The following EXOC3 variants were observed in gnomAD, a reference collection of about 807,000 sequenced individuals.
EXOC3 encodes exocyst complex component 3, also known as SEC6-like 1.
A neutral mutation model predicts 73.7 loss-of-function variants in EXOC3; 21 were observed. The observed-to-expected ratio is 0.29, with a 90% CI of 0.20 to 0.41. EXOC3 has a LOEUF of 0.41. Ranked by LOEUF, EXOC3 falls within the 10% of genes least tolerant of loss-of-function variation. EXOC3 has a pLI of 1.00. For synonymous variants in EXOC3, 410 were observed against 389.1 expected, an observed-to-expected ratio of 1.05 and a Z score of -0.63; for missense variants, 842 against 985.1, an observed-to-expected ratio of 0.85 and a Z score of 1.95.
chr5:445,593 A>T (rs1053430041), intron 1 of EXOC3, among the ~76,000 whole-genome samples: 1 of 152,110 alleles, frequency 6.6e-6, no homozygotes, highest in Non-Finnish European at 1.5e-5. Flanking sequence ...TGACCTCGTG[A>T]TCCACCCGCC....
rs770586478 is a variant in EXOC3, at chr5:462,070, A to G, written c.1502A>G (p.Lys501Arg). 7.4e-6 allele frequency: 12 copies of G among 1,610,836 alleles called. No individual in the cohort carries two copies. Among genetic ancestry groups the G allele is most frequent in the Admixed American group, 6.7e-5 (4 of 59,424 alleles). ...ATCATCAACAACTGCCAGACCTTCA[A>G]GTGAGTGTGGCCGGGCGCTGTGGCG... ...IAIINNCQTF[K>R]ESIVSLKRKY... Residue 501 changes from lysine (K) to arginine (R), a missense_variant and splice_region_variant, in exon 8 of 13, where the codon AAG (lysine) becomes AGG (arginine). Coordinates refer to ENST00000512944, the MANE Select transcript of EXOC3 (RefSeq NM_007277.5).
At chr5:461,612 CAA>C (rs34450970) in intron 7 of EXOC3, 6,702 of 194,248 alleles carry the variant, frequency 0.035, no homozygotes, top group South Asian at 0.081. Context: ...GACTCTATCT[CAA>C]AAAAAAAAAA....
chr5:465,314 C>T, intron 11 of EXOC3, 42 bp downstream of exon 11: 2 of 1,550,016 alleles, frequency 1.3e-6, no homozygotes, highest in Non-Finnish European at 1.7e-6. Context: ...GCCTGTCGCT[C>T]CGCGGCCCTG....
chr5:448,023 A>G lies in EXOC3; in HGVS notation c.364+271A>G, dbSNP rs1200824742. Among the ~76,000 whole-genome samples the G allele has an allele frequency of 3.9e-5, 6 of 152,274 alleles. No individual in the cohort carries two copies. In the East Asian group the frequency reaches 1.2e-3, roughly 29 times the overall value. ...GCAGTGTGGAGGGATTCCCTGGCTG[A>G]GTGTCGTTCCCTTGCTTGCGATGTG... On this transcript the variant is annotated intron_variant, in intron 3 of 12. Coordinates refer to ENST00000512944, the MANE Select transcript of EXOC3 (RefSeq NM_007277.5).
intron 7 of EXOC3, among the ~76,000 whole-genome samples, chr5:461,213 A>G (rs1226152569): frequency 1.3e-5 from 2 of 152,194 alleles, no homozygotes; most frequent in Non-Finnish European, 2.9e-5. Flanking sequence ...ACAATCAACT[A>G]TGTAGTATAT....
intron 7 of EXOC3, among the ~76,000 whole-genome samples, chr5:460,580 A>G (rs72698508): frequency 0.012 from 1,749 of 151,932 alleles, 11 homozygotes; most frequent in Non-Finnish European, 0.018. Flanking sequence ...GCCCTCTTCC[A>G]TAGAGGTCTT....
intron 3 of EXOC3, among the ~76,000 whole-genome samples, chr5:451,482 A>G (rs564208968): frequency 6.6e-6 from 1 of 152,248 alleles, no homozygotes; most frequent in African/African-American, 2.4e-5. Context: ...CAGTATTAGT[A>G]GCTTTTAGAC....
intron 7 of EXOC3, among the ~76,000 whole-genome samples, chr5:460,146 C>G (rs925780896): frequency 6.6e-5 from 10 of 152,194 alleles, no homozygotes; most frequent in Non-Finnish European, 1.3e-4. Context: ...TGGGGTCATC[C>G]GATGCCAAGT....
intron 7 of EXOC3, among the ~76,000 whole-genome samples, chr5:459,844 A>G (rs1418113980): frequency 6.6e-6 from 1 of 152,258 alleles, no homozygotes; most frequent in Admixed American, 6.5e-5. Context: ...GGCCCTCCTC[A>G]GAAGGGCTCC....
intron 10 of EXOC3, 115 bp from the exon 11 acceptor site, chr5:464,996 G>C: frequency 1.8e-6 from 2 of 1,085,918 alleles, no homozygotes; most frequent in Non-Finnish European, 2.6e-6. Context: ...GGAGCGAGGA[G>C]GAGTGGGCTC....
chr5:459,483 A>G, intron 7 of EXOC3, 24 bp downstream of exon 7: 1 of 1,242,026 alleles, frequency 8.1e-7, no homozygotes, highest in Non-Finnish European at 1.1e-6. Context: ...CCAGTGTGCT[A>G]ATGTACACAT....
chr5:447,854 C>G (rs1737551226), intron 3 of EXOC3, 102 bp downstream of exon 3: 1 of 773,004 alleles, frequency 1.3e-6, no homozygotes, highest in Non-Finnish European at 2.1e-6. Flanking sequence ...CACTGTAGAC[C>G]TGTAGACGGT....
chr5:451,751 C>G (rs1437957847), intron 3 of EXOC3, among the ~76,000 whole-genome samples: 2 of 152,234 alleles, frequency 1.3e-5, no homozygotes, highest in Non-Finnish European at 2.9e-5. Context: ...CTTGTGGTAA[C>G]AAGCTTTTCA....
chr5:460,185 CT>C (rs922006262), intron 7 of EXOC3, among the ~76,000 whole-genome samples: 1 of 152,198 alleles, frequency 6.6e-6, no homozygotes, highest in Admixed American at 6.5e-5. Context: ...TCAAGTGTGT[CT>C]TTTGATAGTT....
intron 3 of EXOC3, among the ~76,000 whole-genome samples, chr5:450,490 G>T (rs974114371): frequency 6.6e-6 from 1 of 152,186 alleles, no homozygotes; most frequent in Admixed American, 6.5e-5. Flanking sequence ...CCATGTGCAC[G>T]TGAGAATAGT....
rs1738130454 is a variant in EXOC3, at chr5:465,799, C to T, written c.2020C>T (p.Leu674Phe). 6.2e-7 allele frequency: 1 copy of T among 1,613,390 alleles called. No individual in the cohort carries two copies. Among genetic ancestry groups the T allele is most frequent in the Admixed American group, 1.7e-5 (1 of 59,932 alleles). ...GATCAAGCTGACAGACCCTTCTCTG[C>T]TCTACCTGGAGGTCTCCACTCTGGT... The part of the protein sequence containing the change: ...EVIKLTDPSL[L>F]YLEVSTLVSK... Residue 674 changes from leucine to phenylalanine, a missense_variant, in exon 12 of 13, where the codon CTC becomes TTC. Transcript: ENST00000512944.
At chr5:461,849 G>A (rs1003965656) in intron 7 of EXOC3, 111 bp from the exon 8 acceptor site, 4 of 695,812 alleles carry the variant, frequency 5.7e-6, no homozygotes, top group South Asian at 3.5e-5. Context: ...AGGCTCATCC[G>A]GTCAGATGTT....
Position 446,367 on chromosome 5 carries a change from A to C in EXOC3, c.144+18A>C. 1 of 1,576,130 alleles carries C rather than the reference A, an allele frequency of 6.3e-7. No homozygotes were observed. The highest frequency in any genetic ancestry group is 8.6e-7 in the Non-Finnish European group (1 of 1,162,666). On this transcript the variant is annotated intron_variant, in intron 2 of 12. Transcript: ENST00000512944. ...GATTGAAGGTGAGGCCACCTGCCCC[A>C]CTCCCAGGATCTGTCTTGGGCTTCA... is the stretch of plus-strand genomic sequence containing the variant.
intron 4 of EXOC3, among the ~76,000 whole-genome samples, chr5:455,612 TGAAA>T (rs67791795): frequency 0.7 from 106,414 of 151,680 alleles, 37,591 homozygotes; most frequent in African/African-American, 0.79. Flanking sequence ...GCGTGTGAGT[TGAAA>T]GAATTTTCTG....
Sources: allele counts gnomAD v4.1 joint callset (sites outside exome capture counted in the v4.1 genomes callset), GRCh38; gene constraint gnomAD v4.1.1; transcripts MANE v1.5; gene names NCBI Gene and HGNC (gene_info 2026-07-23, HGNC 2026-07-21).